Variants in SEMA3A observed in about 807,000 individuals in gnomAD.
SEMA3A encodes semaphorin-3A.
In SEMA3A, 29 loss-of-function variants were observed where a neutral mutation model predicts 97.9. The ratio of observed to expected loss-of-function variants is 0.30; its 90% confidence interval spans 0.22 to 0.40. SEMA3A has a LOEUF of 0.40. SEMA3A is among the 10% of genes least tolerant of loss of function. The pLI is 1.00. For synonymous variants in SEMA3A, 321 were observed against 323.7 expected, an observed-to-expected ratio of 0.99 and a Z score of 0.09; for missense variants, 763 against 951.3, an observed-to-expected ratio of 0.80 and a Z score of 2.60.
rs774464552 is a variant in SEMA3A, at chr7:83,981,417, A to C, written c.1556T>G (p.Ile519Ser). The C allele has an allele frequency of 6.2e-7, 1 of 1,613,918 alleles. No individual in the cohort carries two copies. The highest frequency in any genetic ancestry group is 1.1e-5 in the South Asian group (1 of 91,056). The change falls in exon 14 of 17, where the codon ATT (isoleucine) becomes AGT (serine). Residue 519 changes from isoleucine to serine, a missense_variant. Transcript: ENST00000265362. ...VAQLPLHRCDIYGKACAECCL... is the reference protein window; with the variant it reads ...VAQLPLHRCDSYGKACAECCL... The stretch of plus-strand genomic sequence containing the variant: ...ACACTCAGCACACGCTTTCCCGTAA[A>C]TATCACACCGGTGTAAAGGGAGCTG...
intron 3 of SEMA3A, among the ~76,000 whole-genome samples, chr7:84,212,175 G>T (rs959006671): frequency 2.0e-5 from 3 of 152,138 alleles, no homozygotes; most frequent in African/African-American, 7.2e-5. Context: ...AACTACAAGA[G>T]AAATAATTAA....
At chr7:84,063,622 G>GCA (rs1793348340) in intron 4 of SEMA3A, among the ~76,000 whole-genome samples, 2 of 151,460 alleles carry the variant, frequency 1.3e-5, no homozygotes, top group East Asian at 3.9e-4. Context: ...CATGAAGAAT[G>GCA]CAGAAGCCTC....
intron 6 of SEMA3A, among the ~76,000 whole-genome samples, chr7:84,015,466 T>C (rs949658651): frequency 6.6e-6 from 1 of 152,202 alleles, no homozygotes; most frequent in Admixed American, 6.5e-5. Context: ...TCACAAACTA[T>C]ATAAAATATG....
intron 1 of SEMA3A, among the ~76,000 whole-genome samples, chr7:84,476,553 T>C (rs574568101): frequency 4.6e-5 from 7 of 152,062 alleles, no homozygotes; most frequent in Admixed American, 1.3e-4. Context: ...GCCTACAACA[T>C]TGTAGGCATT....
rs55830654 is a variant in SEMA3A, at chr7:84,132,662, GTTTTTTTTTTTTTTTTTT to G, written c.270+2114_270+2131del. Among the ~76,000 whole-genome samples the G allele has an allele frequency of 3.5e-5, 3 of 86,630 alleles. No individual in the cohort carries two copies. In the South Asian group the frequency reaches 1.4e-3, roughly 40 times the overall value. The allele number at this position is 86,630 out of a possible 152,430, so 56.8% of individuals were successfully genotyped here. ...TCTAATTTTTCTTCATCGACTTGGT[GTTTTTTTTTTTTTTTTTT>G]TTTTTTTTTTTTTGAGACGGAGTCT... On this transcript the variant is annotated intron_variant, in intron 2 of 16. Transcript: ENST00000265362.
At chr7:83,978,804 A>C (rs1361641799) in intron 14 of SEMA3A, among the ~76,000 whole-genome samples, 1 of 152,226 alleles carries the variant, frequency 6.6e-6, no homozygotes, top group Non-Finnish European at 1.5e-5. Flanking sequence ...AAATGCCATC[A>C]CAAAGAATAT....
intron 1 of SEMA3A, among the ~76,000 whole-genome samples, chr7:84,479,292 C>A (rs1425576596): frequency 1.3e-5 from 2 of 152,008 alleles, no homozygotes; most frequent in Non-Finnish European, 1.5e-5. Flanking sequence ...CTGTCAATTC[C>A]TTAAAAAAAG....
chr7:84,167,426 T>A (rs1797247814), intron 1 of SEMA3A, among the ~76,000 whole-genome samples: 1 of 152,226 alleles, frequency 6.6e-6, no homozygotes, highest in African/African-American at 2.4e-5. Flanking sequence ...CATGGCCTGG[T>A]ATCATAACTC....
intron 12 of SEMA3A, among the ~76,000 whole-genome samples, chr7:84,001,598 A>AAGTT (rs1159049741): frequency 2.0e-5 from 3 of 152,086 alleles, no homozygotes; most frequent in African/African-American, 7.3e-5. Flanking sequence ...ACATTCATGG[A>AAGTT]AGTTACATAT....
At chr7:84,378,344 TGTG>T in intron 1 of SEMA3A, among the ~76,000 whole-genome samples, 1 of 151,868 alleles carries the variant, frequency 6.6e-6, no homozygotes, top group South Asian at 2.1e-4. Context: ...ATAAAGAAAA[TGTG>T]GCACATATAC....
chr7:84,475,256 C>A (rs1228972), intron 1 of SEMA3A, among the ~76,000 whole-genome samples: 67,111 of 151,772 alleles, frequency 0.44, 16,232 homozygotes, highest in East Asian at 0.63. Context: ...CTGTTTTTGT[C>A]GTTGGTTTGT....
chr7:84,481,762 T>C (rs1454616447), intron 1 of SEMA3A, among the ~76,000 whole-genome samples: 1 of 152,008 alleles, frequency 6.6e-6, no homozygotes, highest in East Asian at 1.9e-4. Context: ...CGCAAATTAT[T>C]ATCTATTTAA....
intron 1 of SEMA3A, among the ~76,000 whole-genome samples, chr7:84,444,795 C>T (rs1562950271): frequency 6.6e-6 from 1 of 151,904 alleles, no homozygotes; most frequent in Non-Finnish European, 1.5e-5. Context: ...CTCCTGACCT[C>T]GTGATCCGCC....
rs564656269 is a variant in SEMA3A, at chr7:84,403,605, G to A, written c.-245-31705C>T. Among the ~76,000 whole-genome samples, 384 of 152,298 alleles carry A rather than the reference G, an allele frequency of 2.5e-3. 1 individual carries two copies. The highest frequency in any genetic ancestry group is 4.2e-3 in the Non-Finnish European group (289 of 68,032). The stretch of plus-strand genomic sequence containing the variant: ...AACGGGCAGACTGCCTCCTCAAGTG[G>A]GTCCCTGACCCCCGAGCAGCCTAAC... On this transcript the variant is annotated intron_variant, in intron 1 of 3. Coordinates refer to the SEMA3A transcript ENST00000424555.
At chr7:84,399,729 G>A (rs960603423) in intron 1 of SEMA3A, among the ~76,000 whole-genome samples, 13 of 152,160 alleles carry the variant, frequency 8.5e-5, no homozygotes, top group Non-Finnish European at 1.6e-4. Flanking sequence ...TCACCACTAG[G>A]TGCTGGTTAA....
At chr7:84,254,065 T>G (rs937327510) in intron 3 of SEMA3A, among the ~76,000 whole-genome samples, 4 of 152,184 alleles carry the variant, frequency 2.6e-5, no homozygotes, top group African/African-American at 9.7e-5. Flanking sequence ...AGCTATCAAA[T>G]GTGTGAATGA....
intron 2 of SEMA3A, among the ~76,000 whole-genome samples, chr7:84,366,589 C>T (rs1004702868): frequency 6.6e-6 from 1 of 151,338 alleles, no homozygotes; most frequent in African/African-American, 2.4e-5. Flanking sequence ...CCGTGCTACA[C>T]TAAAGCATAC....
intron 1 of SEMA3A, among the ~76,000 whole-genome samples, chr7:84,461,254 T>A (rs1332879297): frequency 6.6e-6 from 1 of 152,158 alleles, no homozygotes; most frequent in Non-Finnish European, 1.5e-5. Flanking sequence ...TATGTTTCAG[T>A]CATTTACATC....
intron 15 of SEMA3A, among the ~76,000 whole-genome samples, chr7:83,966,333 T>C (rs958662844): frequency 3.3e-5 from 5 of 152,300 alleles, no homozygotes; most frequent in African/African-American, 1.2e-4. Flanking sequence ...TGTTTTTAGT[T>C]TAATATACTA....
Sources: allele counts gnomAD v4.1 joint callset (sites outside exome capture counted in the v4.1 genomes callset), GRCh38; gene constraint gnomAD v4.1.1; transcripts MANE v1.5; gene names NCBI Gene and HGNC (gene_info 2026-07-23, HGNC 2026-07-21).